Variants in SNTG2 observed in about 807,000 individuals in gnomAD.
The protein encoded by SNTG2 is gamma-2-syntrophin.
Under a neutral mutation model 70.9 loss-of-function variants are expected in SNTG2, and 74 were observed. That is an observed-to-expected ratio of 1.04 (90% CI 0.86 to 1.27). The LOEUF (loss-of-function observed/expected upper bound fraction) is 1.27. SNTG2 is among the 50% of genes most tolerant of loss of function. The probability of loss-of-function intolerance (pLI) is 0.00; values close to 1 mark genes in which losing one functional copy is unlikely to be tolerated. For missense variants in SNTG2, 717 were observed against 690.7 expected, an observed-to-expected ratio of 1.04 and a Z score of -0.43; for synonymous variants, 278 against 273.8, an observed-to-expected ratio of 1.02 and a Z score of -0.15.
chr2:1,128,730 T>G (rs7580578), intron 4 of SNTG2, among the ~76,000 whole-genome samples: 89,947 of 151,338 alleles, frequency 0.59, 27,432 homozygotes, highest in East Asian at 0.72. Context: ...TTCTGCTTGG[T>G]GTTTTCTTGT....
At chr2:1,003,907 G>C (rs1222425467) in intron 1 of SNTG2, among the ~76,000 whole-genome samples, 1 of 152,048 alleles carries the variant, frequency 6.6e-6, no homozygotes, top group Non-Finnish European at 1.5e-5. Context: ...AATTTGCTAG[G>C]CTTCTCCCCT....
intron 12 of SNTG2, among the ~76,000 whole-genome samples, chr2:1,255,662 G>T (rs1027568321): frequency 5.3e-5 from 8 of 151,632 alleles, no homozygotes; most frequent in Non-Finnish European, 1.2e-4. Context: ...CTCAGGCATG[G>T]CACAAACACA....
At chr2:1,012,067 A>G (rs1407267313) in intron 1 of SNTG2, among the ~76,000 whole-genome samples, 1 of 152,248 alleles carries the variant, frequency 6.6e-6, no homozygotes, top group Non-Finnish European at 1.5e-5. Context: ...CCTCTAAATC[A>G]AGCAATCTCT....
At chr2:998,313 G>C (rs1056121587) in intron 1 of SNTG2, among the ~76,000 whole-genome samples, 2 of 151,770 alleles carry the variant, frequency 1.3e-5, no homozygotes, top group African/African-American at 4.8e-5. Flanking sequence ...TGAAAACATG[G>C]AAATACAGAT....
intron 1 of SNTG2, among the ~76,000 whole-genome samples, chr2:1,069,202 G>A (rs6761405): frequency 0.18 from 26,928 of 151,952 alleles, 2,445 homozygotes; most frequent in South Asian, 0.22. Context: ...CACGAAAATC[G>A]TGTCTGAAAG....
chr2:980,234 G>C (rs1661053859), intron 1 of SNTG2, among the ~76,000 whole-genome samples: 1 of 152,280 alleles, frequency 6.6e-6, no homozygotes, highest in Non-Finnish European at 1.5e-5. Flanking sequence ...TACATGTTAG[G>C]ATCCAGTGCT....
At chr2:1,080,823 T>A (rs146503858) in intron 1 of SNTG2, among the ~76,000 whole-genome samples, 1 of 152,134 alleles carries the variant, frequency 6.6e-6, no homozygotes, top group Non-Finnish European at 1.5e-5. Flanking sequence ...GGTGGTGGCA[T>A]GAGAAAGGTC....
chr2:1,266,281 G>C (rs939177139), intron 13 of SNTG2, among the ~76,000 whole-genome samples: 12 of 152,088 alleles, frequency 7.9e-5, no homozygotes, highest in Non-Finnish European at 1.6e-4. Context: ...GTGACAACTG[G>C]GACCCCCAGT....
chr2:1,340,991 T>C lies in SNTG2; in HGVS notation c.1488+24616T>C, dbSNP rs534592583. On this transcript the variant is annotated intron_variant, in intron 16 of 16. Transcript: ENST00000308624. ...CCAGAGTTTACGTGCAGTATCTCAC[T>C]TAATTCTCCCAATAGACACAGACTG... 9.2e-5 allele frequency: 14 copies of C among 152,356 alleles called. No homozygotes were observed. In the East Asian group the frequency reaches 1.9e-3, roughly 21 times the overall value. 9.4% of individuals were successfully genotyped at this position (152,356 alleles called of 1,614,324 possible).
At chr2:1,012,613 A>G (rs4971357) in intron 1 of SNTG2, among the ~76,000 whole-genome samples, 46,954 of 80,392 alleles carry the variant, frequency 0.58, 12,589 homozygotes, top group African/African-American at 0.64. Flanking sequence ...GTGGTCTGGA[A>G]AGGGATTTAT....
At chr2:1,162,847 A>T (rs1670417910) in intron 6 of SNTG2, among the ~76,000 whole-genome samples, 1 of 152,182 alleles carries the variant, frequency 6.6e-6, no homozygotes, top group African/African-American at 2.4e-5. Flanking sequence ...AGTTGGTCAG[A>T]GGAGGGCTTC....
intron 9 of SNTG2, among the ~76,000 whole-genome samples, chr2:1,225,642 C>T (rs1372638752): frequency 5.3e-5 from 8 of 152,194 alleles, no homozygotes; most frequent in African/African-American, 1.9e-4. Context: ...TTCCTGTGCA[C>T]ACTCAGTCCT....
At chr2:1,348,381 T>A (rs541653964) in intron 16 of SNTG2, among the ~76,000 whole-genome samples, 1 of 152,326 alleles carries the variant, frequency 6.6e-6, no homozygotes, top group Non-Finnish European at 1.5e-5. Flanking sequence ...ATCAACATAT[T>A]CTTTAAGTCT....
intron 14 of SNTG2, among the ~76,000 whole-genome samples, chr2:1,271,326 C>T (rs1679007118): frequency 6.6e-6 from 1 of 152,088 alleles, no homozygotes; most frequent in Non-Finnish European, 1.5e-5. Context: ...GAAAAGTCAT[C>T]ACATATGCAT....
chr2:1,272,463 TAAAAAAAAA>T (rs577563977), intron 14 of SNTG2, among the ~76,000 whole-genome samples: 14 of 51,894 alleles, frequency 2.7e-4, no homozygotes, highest in Non-Finnish European at 4.2e-4. Context: ...CTGGTACTGG[TAAAAAAAAA>T]AAAAAAAAAA....
chr2:1,255,132 A>T (rs1677978638), intron 12 of SNTG2, among the ~76,000 whole-genome samples: 1 of 151,996 alleles, frequency 6.6e-6, no homozygotes, highest in Non-Finnish European at 1.5e-5. Flanking sequence ...CGTGGCGTGG[A>T]GTCTGGATTT....
At chr2:1,340,159 C>T (rs1454153356) in intron 16 of SNTG2, among the ~76,000 whole-genome samples, 1 of 152,238 alleles carries the variant, frequency 6.6e-6, no homozygotes, top group African/African-American at 2.4e-5. Flanking sequence ...AAAGCAAATC[C>T]TCACATCTGT....
rs1674964775 is a variant in SNTG2 at position 1,221,841 on chromosome 2, G to GTTTC, written c.719+12612_719+12613insTTCT. Among the ~76,000 whole-genome samples the GTTTC allele has an allele frequency of 1.0e-3, 4 of 3,980 alleles. 2 individuals are homozygous for GTTTC. 2.6% of individuals were successfully genotyped at this position (3,980 alleles called of 152,430 possible). ...TCTCTGTCTCTCTCTGTCTCTCTCT[G>GTTTC]TCTCTGTCTCTGTCTCTGTCTCTGT... On this transcript the variant is annotated intron_variant, in intron 9 of 16. Coordinates refer to ENST00000308624, the MANE Select transcript of SNTG2 (RefSeq NM_018968.4).
chr2:1,351,529 C>T (rs1171810660), intron 16 of SNTG2, among the ~76,000 whole-genome samples: 6 of 152,002 alleles, frequency 3.9e-5, no homozygotes, highest in East Asian at 1.9e-4. Flanking sequence ...GAATCTAACC[C>T]GACGAATCTG....
Sources: gnomAD v4.1 joint callset for allele counts (sites outside exome capture counted in the v4.1 genomes callset) on GRCh38, gnomAD v4.1.1 for gene constraint, MANE v1.5 for transcripts, NCBI Gene and HGNC (gene_info 2026-07-23, HGNC 2026-07-21) for gene names.